Variants in CAPN5 observed in about 807,000 individuals in gnomAD.
CAPN5 encodes the protein calpain 5, also known as calpain-5.
A neutral mutation model predicts 73.0 loss-of-function variants in CAPN5; 54 were observed. The ratio of observed to expected loss-of-function variants is 0.74; its 90% CI spans 0.59 to 0.93. CAPN5 has a LOEUF of 0.93. CAPN5 is among the 40% of genes least tolerant of loss of function. The pLI is 0.00. For missense variants in CAPN5, 785 were observed against 882.9 expected (o/e 0.89, Z 1.41); for synonymous variants, 335 against 356.9 (o/e 0.94, Z 0.69).
chr11:77,107,020 G>T (rs1276805364), intron 3 of CAPN5, among the ~76,000 whole-genome samples: 1 of 152,212 alleles, frequency 6.6e-6, no homozygotes, highest in Non-Finnish European at 1.5e-5. Flanking sequence ...AAGGCTGGGG[G>T]TCCCTGCCCG....
At chr11:77,100,572 C>T (rs1950274006) in intron 3 of CAPN5, among the ~76,000 whole-genome samples, 1 of 152,172 alleles carries the variant, frequency 6.6e-6, no homozygotes, top group African/African-American at 2.4e-5. Flanking sequence ...CACCTCATCC[C>T]ATCCCTCAGG....
intron 1 of CAPN5, among the ~76,000 whole-genome samples, chr11:77,080,011 T>C (rs1307739718): frequency 6.6e-6 from 1 of 152,210 alleles, no homozygotes; most frequent in African/African-American, 2.4e-5. Context: ...TTGAAATCTA[T>C]CTGGAATAAG....
In CAPN5 at chr11:77,093,801, G is replaced by A. The variant is rs144932888; in HGVS notation, c.285G>A (p.Ser95=). 2.5e-4 allele frequency: 400 copies of A among 1,610,336 alleles called. No homozygotes were observed. Among genetic ancestry groups the A allele is most frequent in the Admixed American group, 4.2e-4 (25 of 60,004 alleles). ...GCTCGTCACTTGCCTCCCGGGAGTC[G>A]CTGTGGCAAAAGGTGAGGCCTCGGG... is the stretch of plus-strand genomic sequence containing the variant. The part of the protein sequence containing the change: ...AACSSLASRE[S]LWQKVIPDWK... Residue 95 remains serine, a synonymous_variant, in exon 3 of 13, where the codon TCG becomes TCA. Coordinates refer to ENST00000648180, the MANE Select transcript of CAPN5 (RefSeq NM_004055.5).
In CAPN5 at chr11:77,099,763, C is replaced by CGGAGAG. The variant is rs782664114; in HGVS notation, c.297+5973_297+5978dup. Among the ~76,000 whole-genome samples, 29 of 139,876 alleles carry CGGAGAG rather than the reference C, an allele frequency of 2.1e-4. 1 individual carries two copies. Among genetic ancestry groups the CGGAGAG allele is most frequent in the South Asian group, 6.8e-4 (3 of 4,396 alleles). The allele number at this position is 139,876 out of a possible 152,430, so 91.8% of individuals were successfully genotyped here. On this transcript the variant is annotated intron_variant, in intron 3 of 12. Transcript: ENST00000648180. ...AGGGAGAGGGAGACGGAGAGGGAGA[C>CGGAGAG]GGAGAGGGAGAGGGAGAGGGAGAGG... is the stretch of plus-strand genomic sequence containing the variant.
At chr11:77,088,148 C>T in intron 2 of CAPN5, 2 of 1,393,434 alleles carry the variant, frequency 1.4e-6, no homozygotes, top group Non-Finnish European at 1.9e-6. Flanking sequence ...GCCTGGAGGT[C>T]CTTTGGTGGA....
intron 1 of CAPN5, among the ~76,000 whole-genome samples, chr11:77,072,211 C>T (rs1398153051): frequency 6.6e-6 from 1 of 152,246 alleles, no homozygotes; most frequent in Non-Finnish European, 1.5e-5. Flanking sequence ...ATGATTTCTT[C>T]CTCCAGAATA....
At chr11:77,095,130 G>A (rs1450342150) in intron 3 of CAPN5, among the ~76,000 whole-genome samples, 2 of 152,212 alleles carry the variant, frequency 1.3e-5, no homozygotes, top group Non-Finnish European at 2.9e-5. Flanking sequence ...TGCGGCGTGT[G>A]GATGTGGGTA....
chr11:77,119,450 G>A (rs990317637), intron 9 of CAPN5: 22 of 384,064 alleles, frequency 5.7e-5, no homozygotes, highest in African/African-American at 2.0e-4. Flanking sequence ...GGTTGGGGCC[G>A]GGCCCTGGGA....
intron 1 of CAPN5, among the ~76,000 whole-genome samples, chr11:77,068,453 T>A (rs1555032523): frequency 6.6e-6 from 1 of 151,844 alleles, no homozygotes; most frequent in East Asian, 2.0e-4. Context: ...CACTTGCAGA[T>A]TCGTTGGGGC....
rs781792601 is a variant in CAPN5, at chr11:77,118,311, G to A, written c.1126G>A (p.Gly376Ser). The A allele has an allele frequency of 2.4e-5, 38 of 1,608,190 alleles. No homozygotes were observed. The highest frequency in any genetic ancestry group is 5.5e-5 in the South Asian group (5 of 90,154). ...GGACCCGCGACAGAACCGCGGTGGC[G>A]GCTGCATCAACCACAAGGACACCTT... is the stretch of plus-strand genomic sequence containing the variant. ...HEDPRQNRGG[G>S]CINHKDTFFQ... Residue 376 changes from glycine (G) to serine (S), a missense_variant, in exon 8 of 13, where the codon GGC (glycine) becomes AGC (serine). By Grantham distance (56) the Gly-to-Ser change is moderately conservative. Coordinates refer to ENST00000648180, the MANE Select transcript of CAPN5 (RefSeq NM_004055.5).
At chr11:77,098,283 C>A (rs1216488994) in intron 3 of CAPN5, among the ~76,000 whole-genome samples, 1 of 105,022 alleles carries the variant, frequency 9.5e-6, no homozygotes, top group East Asian at 3.8e-4. Flanking sequence ...GGGGGCTGAC[C>A]CCCCCACCTC....
At chr11:77,097,308 C>T (rs1270275262) in intron 3 of CAPN5, among the ~76,000 whole-genome samples, 1 of 152,102 alleles carries the variant, frequency 6.6e-6, no homozygotes. Context: ...AAGCAGTTCC[C>T]TTAGTGCACA....
intron 1 of CAPN5, among the ~76,000 whole-genome samples, chr11:77,082,507 C>G (rs782692373): frequency 1.3e-5 from 2 of 152,166 alleles, no homozygotes; most frequent in Non-Finnish European, 2.9e-5. Flanking sequence ...CCCATAGATA[C>G]AGTGGGAGGT....
At chr11:77,068,296 G>A (rs1949867096) in intron 1 of CAPN5, among the ~76,000 whole-genome samples, 1 of 152,126 alleles carries the variant, frequency 6.6e-6, no homozygotes, top group African/African-American at 2.4e-5. Flanking sequence ...AGCACACAGA[G>A]GTGCTCAGGC....
intron 3 of CAPN5, among the ~76,000 whole-genome samples, 184 bp downstream of exon 3, chr11:77,093,997 G>C (rs112502230): frequency 0.017 from 2,582 of 152,364 alleles, 80 homozygotes; most frequent in African/African-American, 0.059. Context: ...CTTCAGCTGG[G>C]CACCCCCAGG....
intron 2 of CAPN5, among the ~76,000 whole-genome samples, chr11:77,089,599 C>T (rs1166060478): frequency 1.1e-4 from 17 of 152,334 alleles, no homozygotes; most frequent in African/African-American, 3.8e-4. Context: ...ACCCCCTAAG[C>T]TGGGTTAGGA....
intron 3 of CAPN5, 45 bp from the exon 4 acceptor site, chr11:77,112,543 TC>T: frequency 6.9e-7 from 1 of 1,455,310 alleles, no homozygotes; most frequent in Non-Finnish European, 9.6e-7. Flanking sequence ...AAGCCGGACA[TC>T]CCCTCACTGT....
rs928446484 is a variant in CAPN5 at position 77,066,975 on chromosome 11, C to G, written c.-155C>G. 1 of 152,020 alleles carries G rather than the reference C, an allele frequency of 6.6e-6. No homozygotes were observed. Among genetic ancestry groups the G allele is most frequent in the African/African-American group, 2.4e-5 (1 of 41,416 alleles). 9.4% of individuals were successfully genotyped at this position (152,020 alleles called of 1,614,324 possible). A position where few individuals can be genotyped will look rare whatever the true frequency, so the allele number is the denominator to read the frequency against. On this transcript the variant is annotated 5_prime_UTR_variant, in exon 1 of 13. Coordinates refer to ENST00000648180, the MANE Select transcript of CAPN5 (RefSeq NM_004055.5). ...CGCCAGCCCCCGCCGCAGGCCAGTC[C>G]CAGCTGGATCTCCGGCCAGAGCCCG...
intron 7 of CAPN5, among the ~76,000 whole-genome samples, chr11:77,117,507 G>T (rs1950480933): frequency 6.6e-6 from 1 of 152,222 alleles, no homozygotes; most frequent in African/African-American, 2.4e-5. Flanking sequence ...GGCCACCCAG[G>T]CCACTTTGCC....
Sources: allele counts gnomAD v4.1 joint callset (sites outside exome capture counted in the v4.1 genomes callset), GRCh38; gene constraint gnomAD v4.1.1; transcripts MANE v1.5; gene names NCBI Gene and HGNC (gene_info 2026-07-23, HGNC 2026-07-21).